The following HDGFL3 variants were observed in gnomAD, a reference collection of about 807,000 sequenced individuals.
HDGFL3 encodes the protein HDGF like 3.
In HDGFL3, 6 loss-of-function variants were observed where a neutral mutation model predicts 27.6. The observed-to-expected ratio is 0.22, with a 90% CI of 0.12 to 0.43. HDGFL3 has a LOEUF of 0.43. Among genes scored for constraint, HDGFL3 ranks in the 20% least tolerant of loss-of-function variants. HDGFL3 has a pLI of 1.00. For missense variants in HDGFL3, 207 were observed against 250.1 expected, an observed-to-expected ratio of 0.83 and a Z score of 1.16; for synonymous variants, 88 against 88.9, an observed-to-expected ratio of 0.99 and a Z score of 0.05.
chr15:83,119,528 G>T (rs2035020526), intron 3 of HDGFL3: 2 of 1,588,648 alleles, frequency 1.3e-6, no homozygotes, highest in Non-Finnish European at 1.7e-6. Context: ...CTGATGTTCT[G>T]CATTTACAGG....
rs1185596503 is a variant in HDGFL3 at position 83,157,419 on chromosome 15, G to A, written c.455C>T (p.Ser152Leu). 1 of 1,611,936 alleles carries A rather than the reference G, an allele frequency of 6.2e-7. No homozygotes were observed. Among genetic ancestry groups the A allele is most frequent in the East Asian group, 2.2e-5 (1 of 44,852 alleles). ...AGSKRKKSYT[S>L]KKSSKQSRKS... The stretch of plus-strand genomic sequence containing the variant: ...AATGAGAAGTTTCTTAGTAACCTTT[G>A]AAGTATATGACTTTTTCCGTTTTGA... Residue 152 changes from serine to leucine, a missense_variant, in exon 4 of 6, where the codon TCA (serine) becomes TTA (leucine). Transcript: ENST00000299633.
At chr15:83,161,072 T>G (rs948883207) in intron 2 of HDGFL3, among the ~76,000 whole-genome samples, 2 of 152,218 alleles carry the variant, frequency 1.3e-5, no homozygotes, top group Admixed American at 1.3e-4. Context: ...AACTTCACTT[T>G]TAGAAGAATT....
At chr15:83,112,823 C>T in exon 4 of HDGFL3, 1 of 1,614,106 alleles carries the variant, frequency 6.2e-7, no homozygotes, top group Non-Finnish European at 8.5e-7. Context: ...GGGGTTGCTG[C>T]CCTCATCCTG....
intron 5 of HDGFL3, among the ~76,000 whole-genome samples, chr15:83,149,265 T>C (rs1210080216): frequency 1.3e-5 from 2 of 152,238 alleles, no homozygotes; most frequent in Admixed American, 1.3e-4. Context: ...AGGATACTAG[T>C]GCTAGCTGTA....
intron 1 of HDGFL3, among the ~76,000 whole-genome samples, chr15:83,164,455 T>C (rs1162795727): frequency 2.2e-5 from 3 of 139,074 alleles, no homozygotes; most frequent in Non-Finnish European, 4.6e-5. Flanking sequence ...CCTAGAAACA[T>C]AAATAATGCA....
intron 1 of HDGFL3, chr15:83,184,744 A>G (rs898741151): frequency 1.3e-5 from 2 of 152,238 alleles, no homozygotes; most frequent in South Asian, 4.1e-4. Context: ...TCTTCAAAAA[A>G]AGAGCAGGAA....
At chr15:83,192,673 G>A (rs1214374038) in intron 1 of HDGFL3, among the ~76,000 whole-genome samples, 2 of 152,140 alleles carry the variant, frequency 1.3e-5, no homozygotes, top group East Asian at 3.8e-4. Flanking sequence ...ATTCATCACA[G>A]GAAAATTTGA....
chr15:83,187,605 G>C (rs1215703521), intron 1 of HDGFL3, among the ~76,000 whole-genome samples: 2 of 152,162 alleles, frequency 1.3e-5, no homozygotes, highest in Non-Finnish European at 2.9e-5. Context: ...AAAGGCTGCA[G>C]TGGCCGGGCG....
At position 83,207,367 on chromosome 15, in the gene HDGFL3, G is replaced by C; in HGVS notation, c.48C>G (p.Phe16Leu). 7.1e-7 allele frequency: 1 copy of C among 1,403,430 alleles called. No individual in the cohort carries two copies. The highest frequency in any genetic ancestry group is 2.7e-5 in the Admixed American group (1 of 36,522). 86.9% of individuals were successfully genotyped at this position (1,403,430 alleles called of 1,614,324 possible). The stretch of plus-strand genomic sequence containing the variant: ...AGTGCGGGTAGCCCTTCATCTTGGC[G>C]AAGACCAGGTCGCCCGCTTTGTACT... ...PREYKAGDLVFAKMKGYPHWP... is the reference protein window; with the variant it reads ...PREYKAGDLVLAKMKGYPHWP... Residue 16 changes from phenylalanine (F) to leucine (L), a missense_variant, in exon 1 of 6, where the codon TTC (phenylalanine) becomes TTG (leucine). Transcript: ENST00000299633. The surrounding 1 kb of genome is among the most constrained non-coding windows in gnomAD (Gnocchi z 4.8).
rs2037729434 is a variant in HDGFL3 at position 83,207,182 on chromosome 15, C to A, written c.84+149G>T. The A allele has an allele frequency of 6.5e-6, 3 of 462,894 alleles. No individual in the cohort carries two copies. In the South Asian group the frequency reaches 3.3e-4, roughly 51 times the overall value. 28.7% of individuals were successfully genotyped at this position (462,894 alleles called of 1,614,324 possible). A position where few individuals can be genotyped will look rare whatever the true frequency, so the allele number is the denominator to read the frequency against. ...GCCCTTGCCTCAGCCCCGGCCCGGT[C>A]TTCTTCGTGCCGCGCCGCCCTCAGC... On this transcript the variant is annotated intron_variant, in intron 1 of 5. Transcript: ENST00000299633. The surrounding 1 kb of genome is among the most constrained non-coding windows in gnomAD (Gnocchi z 4.8).
chr15:83,175,882 C>A (rs1426387185), intron 1 of HDGFL3, among the ~76,000 whole-genome samples: 1 of 151,950 alleles, frequency 6.6e-6, no homozygotes, highest in African/African-American at 2.4e-5. Context: ...CAAAAAAAAA[C>A]ACACATTAAA....
In HDGFL3 at chr15:83,128,137, G is replaced by A. The variant is rs928142367; in HGVS notation, c.*11133C>T. The stretch of plus-strand genomic sequence containing the variant: ...TTTTCTTACTAGAAATAAAACAAAT[G>A]AACTTATCATTTAAAAACATTAGCT... On this transcript the variant is annotated 3_prime_UTR_variant, in exon 6 of 6. Coordinates refer to ENST00000299633, the MANE Select transcript of HDGFL3 (RefSeq NM_016073.4). The A allele has an allele frequency of 7.2e-5, 11 of 152,262 alleles. No homozygotes were observed. The highest frequency in any genetic ancestry group is 2.6e-4 in the African/African-American group (11 of 41,548). 9.4% of individuals were successfully genotyped at this position (152,262 alleles called of 1,614,324 possible).
At position 83,131,106 on chromosome 15, in the gene HDGFL3, A is replaced by C. The variant is rs1391843304; in HGVS notation, c.*8164T>G. Reference sequence around the variant, plus strand: ...GACCCTGTCTCTCCCACCACCACAAAAAAACAAAACAAAACAAAAATAGGC... The same window carrying C: ...GACCCTGTCTCTCCCACCACCACAACAAAACAAAACAAAACAAAAATAGGC... On this transcript the variant is annotated 3_prime_UTR_variant, in exon 6 of 6. Transcript: ENST00000299633. 1.3e-5 allele frequency: 2 copies of C among 152,144 alleles called. No individual in the cohort carries two copies. Among genetic ancestry groups the C allele is most frequent in the African/African-American group, 2.4e-5 (1 of 41,432 alleles). The allele number at this position is 152,144 out of a possible 1,614,324, so 9.4% of individuals were successfully genotyped here. A position where few individuals can be genotyped will look rare whatever the true frequency, so the allele number is the denominator to read the frequency against.
At chr15:83,122,240 G>GT (rs1284293816) in intron 3 of HDGFL3, among the ~76,000 whole-genome samples, 1 of 152,086 alleles carries the variant, frequency 6.6e-6, no homozygotes, top group Non-Finnish European at 1.5e-5. Context: ...AGGGATTCCT[G>GT]TTTTTTTAGA....
At chr15:83,197,473 A>C (rs1309983879) in intron 1 of HDGFL3, among the ~76,000 whole-genome samples, 1 of 152,212 alleles carries the variant, frequency 6.6e-6, no homozygotes, top group Non-Finnish European at 1.5e-5. Context: ...CACAGTAGCA[A>C]GGCAATCTCT....
intron 1 of HDGFL3, among the ~76,000 whole-genome samples, chr15:83,202,815 C>A (rs921931614): frequency 6.6e-6 from 1 of 152,070 alleles, no homozygotes; most frequent in African/African-American, 2.4e-5. Context: ...CACTACAAAC[C>A]AGTGACCACT....
At chr15:83,183,482 T>G (rs890106736) in intron 1 of HDGFL3, among the ~76,000 whole-genome samples, 1 of 152,084 alleles carries the variant, frequency 6.6e-6, no homozygotes, top group African/African-American at 2.4e-5. Context: ...GCACCTTGGC[T>G]GGGCATGGTG....
At chr15:83,186,429 T>A (rs1012807364) in intron 1 of HDGFL3, among the ~76,000 whole-genome samples, 2 of 152,208 alleles carry the variant, frequency 1.3e-5, no homozygotes, top group Non-Finnish European at 2.9e-5. Flanking sequence ...CTAAGTCTCA[T>A]TTAGTTTATA....
At chr15:83,120,979 T>G (rs887771456) in intron 3 of HDGFL3, among the ~76,000 whole-genome samples, 1 of 152,166 alleles carries the variant, frequency 6.6e-6, no homozygotes, top group Non-Finnish European at 1.5e-5. Flanking sequence ...GCACACAGTA[T>G]TCTCGTTTCC....
Sources: allele counts gnomAD v4.1 joint callset (sites outside exome capture counted in the v4.1 genomes callset), GRCh38; gene constraint gnomAD v4.1.1; non-coding constraint Gnocchi (gnomAD v3.1); transcripts MANE v1.5; gene names NCBI Gene and HGNC (gene_info 2026-07-23, HGNC 2026-07-21).